DAB1: variants seen among roughly 807,000 people sequenced by gnomAD.
DAB1 encodes the protein DAB adaptor protein 1.
Under a neutral mutation model 64.6 loss-of-function variants are expected in DAB1, and 15 were observed. The observed-to-expected ratio is 0.23, with a 90% confidence interval of 0.16 to 0.36. The LOEUF (loss-of-function observed/expected upper bound fraction) is 0.36, where lower values mean the gene tolerates loss of function less well. Among genes scored for constraint, DAB1 ranks in the 10% least tolerant of loss-of-function variants. The probability of loss-of-function intolerance (pLI) is 1.00; values close to 1 mark genes in which losing one functional copy is unlikely to be tolerated. For missense variants in DAB1, 596 were observed against 706.7 expected, an observed-to-expected ratio of 0.84 and a Z score of 1.78; for synonymous variants, 235 against 251.9, an observed-to-expected ratio of 0.93 and a Z score of 0.64.
At chr1:57,159,159 A>T (rs1660506520) in intron 2 of DAB1, among the ~76,000 whole-genome samples, 1 of 151,612 alleles carries the variant, frequency 6.6e-6, no homozygotes, top group African/African-American at 2.4e-5. Flanking sequence ...AAGGTCTACT[A>T]GTATTTATTT....
At chr1:57,296,289 CTGTATATAAA>C (rs1393972476) in intron 1 of DAB1, among the ~76,000 whole-genome samples, 1 of 151,998 alleles carries the variant, frequency 6.6e-6, no homozygotes, top group Non-Finnish European at 1.5e-5. Context: ...ATGCATGCAT[CTGTATATAAA>C]TGTATAGGTA....
At chr1:57,244,581 G>T (rs12066220) in intron 2 of DAB1, among the ~76,000 whole-genome samples, 13,522 of 152,184 alleles carry the variant, frequency 0.089, 1,996 homozygotes, top group African/African-American at 0.31. Context: ...GATAGCATTT[G>T]TTGTACTATT....
chr1:57,093,745 A>C (rs532885075), intron 4 of DAB1, among the ~76,000 whole-genome samples: 1 of 152,196 alleles, frequency 6.6e-6, no homozygotes, highest in Non-Finnish European at 1.5e-5. Context: ...TACACATCAT[A>C]AAGTTGTGAG....
chr1:57,065,837 G>A (rs1024538670), intron 8 of DAB1, among the ~76,000 whole-genome samples: 1 of 152,124 alleles, frequency 6.6e-6, no homozygotes, highest in African/African-American at 2.4e-5. Flanking sequence ...CATCTAAGGG[G>A]GCTATACATA....
intron 2 of DAB1, among the ~76,000 whole-genome samples, chr1:57,173,632 T>G (rs189872595): frequency 6.6e-6 from 1 of 152,202 alleles, no homozygotes; most frequent in Non-Finnish European, 1.5e-5. Context: ...AGAGCTTTCT[T>G]AAATTAAGGC....
intron 1 of DAB1, among the ~76,000 whole-genome samples, chr1:57,850,148 G>C (rs1653453587): frequency 6.6e-6 from 1 of 152,188 alleles, no homozygotes; most frequent in Admixed American, 6.5e-5. Flanking sequence ...AACCAGGACA[G>C]AGGGGCTGAG....
At chr1:58,095,061 C>T (rs1010142900) in intron 5 of DAB1, among the ~76,000 whole-genome samples, 27 of 152,152 alleles carry the variant, frequency 1.8e-4, no homozygotes, top group African/African-American at 6.5e-4. Flanking sequence ...GAAAAATAGG[C>T]GCTGGGTGGA....
intron 7 of DAB1, among the ~76,000 whole-genome samples, chr1:57,454,791 T>G (rs1383277234): frequency 6.6e-6 from 1 of 152,136 alleles, no homozygotes; most frequent in Non-Finnish European, 1.5e-5. Flanking sequence ...AACCTTTCAC[T>G]CGCTTAACAG....
At chr1:57,200,112 T>C (rs1569865137) in intron 2 of DAB1, among the ~76,000 whole-genome samples, 1 of 152,214 alleles carries the variant, frequency 6.6e-6, no homozygotes, top group African/African-American at 2.4e-5. Context: ...TTTACCTCTT[T>C]CTGTATACTG....
intron 1 of DAB1, among the ~76,000 whole-genome samples, chr1:58,546,273 C>T (rs1646702858): frequency 6.6e-6 from 1 of 152,226 alleles, no homozygotes; most frequent in African/African-American, 2.4e-5. Flanking sequence ...CGCCGGGAGG[C>T]GGTCCCCTCT....
intron 7 of DAB1, among the ~76,000 whole-genome samples, chr1:57,520,449 G>A (rs374510766): frequency 6.6e-6 from 1 of 151,804 alleles, no homozygotes; most frequent in African/African-American, 2.4e-5. Context: ...AAAGATTAAG[G>A]GTCAATTTTT....
rs116411686 is a variant in DAB1, at chr1:57,682,019, G to A, written n.552-32354C>T. Among the ~76,000 whole-genome samples, 1,061 of 152,102 alleles carry A rather than the reference G, an allele frequency of 7.0e-3. 13 individuals carry two copies. Among genetic ancestry groups the A allele is most frequent in the African/African-American group, 0.022 (909 of 41,470 alleles). ...TCCTCACAGCCCTTAATAGGCTTCC[G>A]AACATCTCATTCTGAAACAGAAGTA... On this transcript the variant is annotated intron_variant and non_coding_transcript_variant, in intron 6 of 20. Transcript: ENST00000485760.
intron 4 of DAB1, among the ~76,000 whole-genome samples, chr1:58,173,035 G>A (rs1251852819): frequency 6.6e-6 from 1 of 152,190 alleles, no homozygotes; most frequent in East Asian, 1.9e-4. Context: ...GAAAGGTGAA[G>A]GAGAAAAGGC....
At chr1:57,864,986 A>T (rs1482716896) in intron 1 of DAB1, 1 of 152,172 alleles carries the variant, frequency 6.6e-6, no homozygotes, top group East Asian at 1.9e-4. Flanking sequence ...TCAGTATGAC[A>T]GTGGCTTACT....
At chr1:58,534,160 GA>G in intron 1 of DAB1, 1 of 870,236 alleles carries the variant, frequency 1.1e-6, no homozygotes, top group Non-Finnish European at 2.0e-6. Context: ...TTACTTACTG[GA>G]AGCACGAAGG....
intron 1 of DAB1, among the ~76,000 whole-genome samples, chr1:57,868,504 G>A (rs1654399587): frequency 6.6e-6 from 1 of 152,122 alleles, no homozygotes; most frequent in African/African-American, 2.4e-5. Flanking sequence ...CATTACGTTG[G>A]AGTTACTGAC....
intron 9 of DAB1, among the ~76,000 whole-genome samples, chr1:57,057,698 C>G (rs182708983): frequency 1.6e-4 from 24 of 151,284 alleles, no homozygotes; most frequent in Admixed American, 5.3e-4. Flanking sequence ...AGCTCTGCCT[C>G]CCGGGTTCAC....
chr1:57,582,366 A>C (rs1645324078), intron 7 of DAB1, among the ~76,000 whole-genome samples: 1 of 152,168 alleles, frequency 6.6e-6, no homozygotes, highest in Non-Finnish European at 1.5e-5. Flanking sequence ...GTGAGAACTC[A>C]CTATCATGAG....
chr1:57,063,017 T>C, intron 8 of DAB1, 74 bp from the exon 9 acceptor site: 1 of 1,338,866 alleles, frequency 7.5e-7, no homozygotes, highest in African/African-American at 1.4e-5. Flanking sequence ...CAACCAGACT[T>C]CAACTGCAAG....
Sources: allele counts gnomAD v4.1 joint callset (sites outside exome capture counted in the v4.1 genomes callset), GRCh38; gene constraint gnomAD v4.1.1; transcripts MANE v1.5; gene names NCBI Gene and HGNC (gene_info 2026-07-23, HGNC 2026-07-21).